Variants in BBS9 observed in about 807,000 individuals in gnomAD.
The protein encoded by BBS9 is Bardet-Biedl syndrome 9, also known as protein PTHB1.
A neutral mutation model predicts 117.7 loss-of-function variants in BBS9; 89 were observed. That is an observed-to-expected ratio of 0.76 (90% confidence interval 0.64 to 0.90). The LOEUF is 0.90. Among genes scored for constraint, BBS9 ranks in the 40% least tolerant of loss-of-function variants. The pLI is 0.00. For missense variants in BBS9, 982 were observed against 1,042.2 expected (o/e 0.94, Z 0.80); for synonymous variants, 379 against 370.9 (o/e 1.02, Z -0.25).
At chr7:33,329,901 A>G (rs1813651601) in intron 9 of BBS9, among the ~76,000 whole-genome samples, 1 of 152,004 alleles carries the variant, frequency 6.6e-6, no homozygotes, top group Non-Finnish European at 1.5e-5. Flanking sequence ...TGACTGTATT[A>G]TTTTTATGTG....
intron 21 of BBS9, among the ~76,000 whole-genome samples, chr7:33,537,151 A>C (rs543509929): frequency 4.3e-4 from 65 of 152,292 alleles, no homozygotes; most frequent in African/African-American, 1.4e-3. Flanking sequence ...TTCAGTATTA[A>C]AAGGCAGGAG....
downstream of BBS9, among the ~76,000 whole-genome samples, chr7:33,609,576 C>G (rs1173832461): frequency 1.3e-5 from 2 of 152,094 alleles, no homozygotes; most frequent in Non-Finnish European, 2.9e-5. Context: ...ATATTCTTAA[C>G]AGGCAAGAAA....
At chr7:33,497,457 A>G (rs995543875) in intron 19 of BBS9, among the ~76,000 whole-genome samples, 2 of 152,130 alleles carry the variant, frequency 1.3e-5, no homozygotes, top group African/African-American at 2.4e-5. Context: ...ATATTTTTAC[A>G]CTGGAATTTT....
intron 1 of BBS9, among the ~76,000 whole-genome samples, chr7:33,138,703 T>C (rs956125931): frequency 4.6e-5 from 7 of 150,942 alleles, no homozygotes; most frequent in Non-Finnish European, 7.4e-5. Flanking sequence ...GGTGCAATCA[T>C]GGCTCACTGT....
chr7:33,144,481 C>G (rs1282099775), intron 1 of BBS9, among the ~76,000 whole-genome samples: 1 of 152,184 alleles, frequency 6.6e-6, no homozygotes, highest in Admixed American at 6.5e-5. Context: ...ATTGAGTCAC[C>G]TGATGCACAT....
chr7:33,324,292 A>G (rs2128590630), intron 9 of BBS9, among the ~76,000 whole-genome samples: 1 of 152,346 alleles, frequency 6.6e-6, no homozygotes, highest in South Asian at 2.1e-4. Flanking sequence ...AAACTGATGA[A>G]CACTTAACAC....
At chr7:33,145,391 G>A (rs1792177192) in intron 1 of BBS9, among the ~76,000 whole-genome samples, 1 of 152,160 alleles carries the variant, frequency 6.6e-6, no homozygotes, top group Non-Finnish European at 1.5e-5. Context: ...GCTGGTATAT[G>A]CTCATTCTAG....
chr7:33,552,680 C>G (rs1468729766), intron 21 of BBS9, among the ~76,000 whole-genome samples: 3 of 152,150 alleles, frequency 2.0e-5, no homozygotes, highest in Non-Finnish European at 4.4e-5. Flanking sequence ...GAAGTTAATG[C>G]CTGTCATTTT....
chr7:33,407,996 A>T (rs1375843757), intron 19 of BBS9, among the ~76,000 whole-genome samples: 1 of 152,174 alleles, frequency 6.6e-6, no homozygotes, highest in Non-Finnish European at 1.5e-5. Context: ...AAGTCTGCAG[A>T]GGTTACTGCT....
intron 5 of BBS9, among the ~76,000 whole-genome samples, chr7:33,189,880 T>A (rs373632744): frequency 4.0e-5 from 5 of 123,978 alleles, no homozygotes; most frequent in African/African-American, 5.6e-5. Context: ...TGAGACTCTG[T>A]CTTAAAAAAA....
intron 21 of BBS9, among the ~76,000 whole-genome samples, chr7:33,616,493 G>GTATATATATATATATATATATATATATA (rs66529823): frequency 2.2e-5 from 3 of 136,422 alleles, no homozygotes; most frequent in African/African-American, 5.3e-5. Flanking sequence ...GTGTGTGTGT[G>GTATATATATATATATATATATATATATA]TATATATATA....
chr7:33,303,572 G>A (rs1807030986), intron 9 of BBS9, among the ~76,000 whole-genome samples: 1 of 132,194 alleles, frequency 7.6e-6, no homozygotes, highest in Admixed American at 9.6e-5. Flanking sequence ...AGGCTGGACT[G>A]TACTGCCGTG....
chr7:33,534,193 T>A lies in BBS9; in HGVS notation c.2521+17T>A. 1 of 1,607,604 alleles carries A rather than the reference T, an allele frequency of 6.2e-7. No homozygotes were observed. The highest frequency in any genetic ancestry group is 1.1e-5 in the South Asian group (1 of 90,810). ...TCATGCCAGGTAAGAGCTCTGTCCATGCTCCCTAATCACAATTGTACTTCT... is the reference window on the plus strand; with the variant it reads ...TCATGCCAGGTAAGAGCTCTGTCCAAGCTCCCTAATCACAATTGTACTTCT... On this transcript the variant is annotated intron_variant, in intron 21 of 22. Transcript: ENST00000242067.
At chr7:33,313,407 C>T (rs532552862) in intron 9 of BBS9, among the ~76,000 whole-genome samples, 13 of 152,162 alleles carry the variant, frequency 8.5e-5, no homozygotes, top group African/African-American at 1.9e-4. Context: ...TTCTGGAGTA[C>T]GAAATAGGCA....
chr7:33,492,224 A>AAAT (rs1245562153), intron 19 of BBS9, among the ~76,000 whole-genome samples: 1 of 148,966 alleles, frequency 6.7e-6, no homozygotes, highest in Non-Finnish European at 1.5e-5. Context: ...CAAAAAAAAA[A>AAAT]CAAAAAAAAA....
intron 21 of BBS9, among the ~76,000 whole-genome samples, chr7:33,560,597 G>A (rs1855947530): frequency 6.6e-6 from 1 of 152,138 alleles, no homozygotes; most frequent in African/African-American, 2.4e-5. Context: ...CCCGTTCACT[G>A]TTGCTTCAGT....
intron 9 of BBS9, among the ~76,000 whole-genome samples, chr7:33,309,395 A>C (rs943186977): frequency 1.3e-5 from 2 of 152,158 alleles, no homozygotes; most frequent in African/African-American, 4.8e-5. Context: ...CAAGATTTCC[A>C]AGACTTTGAA....
chr7:33,443,735 C>T (rs532349115), intron 19 of BBS9, among the ~76,000 whole-genome samples: 3 of 152,280 alleles, frequency 2.0e-5, no homozygotes, highest in Non-Finnish European at 4.4e-5. Context: ...TTTGTAATCA[C>T]GCCAAAATGG....
rs58511454 is a variant in BBS9 at position 33,597,069 on chromosome 7, TCACACACACA to T, written c.2522-7761_2522-7752del. On this transcript the variant is annotated intron_variant, in intron 21 of 22. Coordinates refer to ENST00000242067, the MANE Select transcript of BBS9 (RefSeq NM_198428.3). Reference sequence around the variant, plus strand: ...AATCATCTCTCTCTCTCTCTCTCTGTCACACACACACACACACACACACACACACACACAC... The same window carrying T: ...AATCATCTCTCTCTCTCTCTCTCTGTCACACACACACACACACACACACAC... Among the ~76,000 whole-genome samples the T allele has an allele frequency of 5.7e-3, 788 of 138,932 alleles. 8 individuals are homozygous for T. The highest frequency in any genetic ancestry group is 0.012 in the African/African-American group (452 of 37,896). 91.1% of individuals were successfully genotyped at this position (138,932 alleles called of 152,430 possible). A position where few individuals can be genotyped will look rare whatever the true frequency, so the allele number is the denominator to read the frequency against.
Sources: gnomAD v4.1 joint callset for allele counts (sites outside exome capture counted in the v4.1 genomes callset) on GRCh38, gnomAD v4.1.1 for gene constraint, MANE v1.5 for transcripts, NCBI Gene and HGNC (gene_info 2026-07-23, HGNC 2026-07-21) for gene names.